The following HCN1 variants were observed in gnomAD, a reference collection of about 807,000 sequenced individuals.
HCN1 encodes the protein hyperpolarization activated cyclic nucleotide gated potassium channel 1, also known as potassium/sodium hyperpolarization-activated cyclic nucleotide-gated channel 1.
HCN1 carries 13 observed loss-of-function variants against 78.9 expected under a neutral mutation model. That is an observed-to-expected ratio of 0.16 (90% CI 0.11 to 0.26). The LOEUF (loss-of-function observed/expected upper bound fraction) is 0.26, where lower values mean the gene tolerates loss of function less well. Ranked by LOEUF, HCN1 falls within the 10% of genes least tolerant of loss-of-function variation. The pLI is 1.00. For missense variants in HCN1, 810 were observed against 1,154.3 expected (o/e 0.70, Z 4.32); for synonymous variants, 552 against 455.5 (o/e 1.21, Z -2.70).
At chr5:45,673,119 T>C (rs1460234376) in intron 1 of HCN1, among the ~76,000 whole-genome samples, 1 of 151,454 alleles carries the variant, frequency 6.6e-6, no homozygotes, top group African/African-American at 2.4e-5. Context: ...TCTTGATCAC[T>C]TTCACAGTTT....
chr5:45,402,276 C>T (rs1326919382), intron 3 of HCN1, among the ~76,000 whole-genome samples: 4 of 152,002 alleles, frequency 2.6e-5, no homozygotes, highest in Non-Finnish European at 5.9e-5. Context: ...TGATCTAAAC[C>T]GTATTTTAGG....
At chr5:45,418,966 T>G (rs1257010671) in intron 3 of HCN1, among the ~76,000 whole-genome samples, 3 of 152,112 alleles carry the variant, frequency 2.0e-5, no homozygotes, top group Non-Finnish European at 4.4e-5. Flanking sequence ...GACTGCTATG[T>G]GATTTATAGT....
chr5:45,263,781 ATTTAT>A lies in HCN1; in HGVS notation c.1784-976_1784-972del, dbSNP rs1296134287. 2.6e-5 allele frequency among the ~76,000 whole-genome samples: 4 copies of A among 151,662 alleles called. No homozygotes were observed. The East Asian group carries it at 7.7e-4, about 29-fold the overall frequency. On this transcript the variant is annotated intron_variant, in intron 7 of 7. Transcript: ENST00000303230. ...ATTCTTTTTTTAAAATTTATTATTTATTTATTTTATTTTATTTATTTATTTTTTTG... is the reference window on the plus strand; with the variant it reads ...ATTCTTTTTTTAAAATTTATTATTTATTTATTTTATTTATTTATTTTTTTG...
intron 3 of HCN1, among the ~76,000 whole-genome samples, chr5:45,420,295 A>AC (rs1305923667): frequency 2.0e-5 from 3 of 151,830 alleles, no homozygotes; most frequent in African/African-American, 7.3e-5. Context: ...CTGCTACAGA[A>AC]CCCCCCAAAA....
intron 3 of HCN1, among the ~76,000 whole-genome samples, chr5:45,423,025 ATAAC>A: frequency 6.6e-6 from 1 of 152,254 alleles, no homozygotes; most frequent in East Asian, 1.9e-4. Context: ...GTTATTAAAA[ATAAC>A]TAAAAGCTTT....
intron 2 of HCN1, among the ~76,000 whole-genome samples, chr5:45,522,245 C>A (rs1466315746): frequency 6.6e-6 from 1 of 151,948 alleles, no homozygotes; most frequent in Non-Finnish European, 1.5e-5. Flanking sequence ...CCGTCAGCTT[C>A]ATTTTAAGCT....
intron 4 of HCN1, among the ~76,000 whole-genome samples, chr5:45,375,968 T>C (rs1269457321): frequency 8.4e-6 from 1 of 118,614 alleles, no homozygotes; most frequent in African/African-American, 3.5e-5. Flanking sequence ...TGATAAAATA[T>C]TTTATCACAT....
intron 2 of HCN1, chr5:45,575,733 T>A (rs144896977): frequency 6.6e-6 from 1 of 152,080 alleles, no homozygotes; most frequent in Non-Finnish European, 1.5e-5. Context: ...TTTCAAAATA[T>A]CACTGCTCAT....
At chr5:45,577,426 G>A (rs1043407835) in intron 2 of HCN1, among the ~76,000 whole-genome samples, 2 of 151,970 alleles carry the variant, frequency 1.3e-5, no homozygotes, top group Admixed American at 6.6e-5. Context: ...TTGTCTAAAT[G>A]TACATAAAAC....
chr5:45,596,964 C>T (rs1242327873), intron 2 of HCN1, among the ~76,000 whole-genome samples: 2 of 152,058 alleles, frequency 1.3e-5, no homozygotes, highest in African/African-American at 4.8e-5. Flanking sequence ...ATTTGTTTAC[C>T]TTAAAAGATA....
intron 2 of HCN1, among the ~76,000 whole-genome samples, chr5:45,579,961 G>T (rs762840348): frequency 6.6e-6 from 1 of 151,954 alleles, no homozygotes; most frequent in Non-Finnish European, 1.5e-5. Context: ...AAATATGCCT[G>T]CCATTTAGAT....
rs1468269508 is a variant in HCN1 at position 45,261,578 on chromosome 5, ACT to A, written c.*341_*342del. The A allele has an allele frequency of 1.8e-5, 3 of 169,196 alleles. No individual in the cohort carries two copies. The highest frequency in any genetic ancestry group is 1.7e-4 in the Admixed American group (3 of 17,578). The allele number at this position is 169,196 out of a possible 1,614,324, so 10.5% of individuals were successfully genotyped here. On this transcript the variant is annotated 3_prime_UTR_variant, in exon 8 of 8. Coordinates refer to ENST00000303230, the MANE Select transcript of HCN1 (RefSeq NM_021072.4). ...AGTTTTGTTTCCATTGAATCCAAGA[ACT>A]CTTCATAAAATAGAGAAATATACAT...
chr5:45,563,850 C>T (rs1743654427), intron 2 of HCN1, among the ~76,000 whole-genome samples: 1 of 152,098 alleles, frequency 6.6e-6, no homozygotes, highest in Admixed American at 6.6e-5. Flanking sequence ...AAATCTGAGT[C>T]CCAAAAATAT....
At chr5:45,308,867 A>G (rs1020559283) in intron 5 of HCN1, among the ~76,000 whole-genome samples, 2 of 152,106 alleles carry the variant, frequency 1.3e-5, no homozygotes, top group Admixed American at 1.3e-4. Flanking sequence ...TTGGTTCCAT[A>G]TGAATTTTAA....
intron 2 of HCN1, among the ~76,000 whole-genome samples, chr5:45,510,107 A>T (rs1742383194): frequency 6.6e-6 from 1 of 152,138 alleles, no homozygotes. Flanking sequence ...CCTGTCTTCA[A>T]GAGCTTATGG....
chr5:45,322,552 G>A (rs560964200), intron 5 of HCN1, among the ~76,000 whole-genome samples: 1 of 151,884 alleles, frequency 6.6e-6, no homozygotes, highest in Admixed American at 6.6e-5. Context: ...TTGGGGATGG[G>A]ATTCAACTCT....
intron 2 of HCN1, among the ~76,000 whole-genome samples, chr5:45,499,015 C>T (rs929966829): frequency 1.3e-5 from 2 of 151,882 alleles, no homozygotes; most frequent in South Asian, 2.1e-4. Flanking sequence ...TTTAAGGCTG[C>T]AGAGGTTACT....
rs1739687833 is a variant in HCN1, at chr5:45,396,398, T to TA, written c.1230+93dup. ...AAACATTTTATCTCTTTTTTTTTTT[T>TA]ATAGAGGAGATGGTGTAGTTATCTT... On this transcript the variant is annotated intron_variant, in intron 4 of 7. Transcript: ENST00000303230. 6.4e-6 allele frequency: 6 copies of TA among 933,052 alleles called. No individual in the cohort carries two copies. The South Asian group carries it at 8.5e-5, about 13-fold the overall frequency. The allele number at this position is 933,052 out of a possible 1,614,324, so 57.8% of individuals were successfully genotyped here. A position where few individuals can be genotyped will look rare whatever the true frequency, so the allele number is the denominator to read the frequency against.
intron 4 of HCN1, among the ~76,000 whole-genome samples, chr5:45,363,732 G>A (rs1250927093): frequency 1.3e-5 from 2 of 151,878 alleles, no homozygotes; most frequent in African/African-American, 2.4e-5. Flanking sequence ...TAAGTCTTAC[G>A]AGATCTGACG....
Sources: gnomAD v4.1 joint callset for allele counts (sites outside exome capture counted in the v4.1 genomes callset) on GRCh38, gnomAD v4.1.1 for gene constraint, MANE v1.5 for transcripts, NCBI Gene and HGNC (gene_info 2026-07-23, HGNC 2026-07-21) for gene names.